Variants in H2BN1 observed in about 807,000 individuals in gnomAD.
The protein encoded by H2BN1 is H2B.N variant histone 1, also known as histone H2B.N.
chr17:32,900,307 T>G, the H2BN1 span, among the ~76,000 whole-genome samples: 1 of 152,244 alleles, frequency 6.6e-6, no homozygotes, highest in Non-Finnish European at 1.5e-5. Flanking sequence ...CTAGGACTTT[T>G]GGGAAACCCA....
the H2BN1 span, among the ~76,000 whole-genome samples, chr17:32,903,079 T>C: frequency 6.6e-6 from 1 of 152,026 alleles, no homozygotes; most frequent in African/African-American, 2.4e-5. Context: ...TTACATAAAC[T>C]TGAAAGAGCA....
At chr17:32,901,130 C>A in the H2BN1 span, among the ~76,000 whole-genome samples, 2 of 152,042 alleles carry the variant, frequency 1.3e-5, no homozygotes, top group African/African-American at 4.8e-5. Context: ...ATTGCTTGAA[C>A]CAGGAGGCAG....
the H2BN1 span, among the ~76,000 whole-genome samples, chr17:32,902,458 G>T: frequency 2.2e-4 from 33 of 152,122 alleles, no homozygotes; most frequent in Non-Finnish European, 4.4e-4. Flanking sequence ...AGACTAGACC[G>T]TCTAAAGTCA....
chr17:32,900,639 T>G, the H2BN1 span, among the ~76,000 whole-genome samples: 2 of 151,904 alleles, frequency 1.3e-5, no homozygotes, highest in Non-Finnish European at 2.9e-5. Flanking sequence ...TGGAGTGCAG[T>G]GGTGTGATCT....
the H2BN1 span, among the ~76,000 whole-genome samples, chr17:32,904,712 G>A: frequency 4.6e-5 from 7 of 152,094 alleles, no homozygotes; most frequent in South Asian, 2.1e-4. Context: ...TACTGTAGAT[G>A]GCAAAGGGGC....
chr17:32,897,503 T>A, the H2BN1 span, among the ~76,000 whole-genome samples: 1 of 152,154 alleles, frequency 6.6e-6, no homozygotes, highest in Admixed American at 6.5e-5. Flanking sequence ...GAACAGCTTA[T>A]TTTTACTACT....
At chr17:32,901,188 T>C in the H2BN1 span, among the ~76,000 whole-genome samples, 3 of 152,074 alleles carry the variant, frequency 2.0e-5, no homozygotes, top group Non-Finnish European at 4.4e-5. Context: ...GCCTGGGTGA[T>C]AGAGTGAGAC....
the H2BN1 span, among the ~76,000 whole-genome samples, chr17:32,900,045 C>T: frequency 6.6e-6 from 1 of 152,152 alleles, no homozygotes; most frequent in African/African-American, 2.4e-5. Flanking sequence ...CTGTGGATGA[C>T]AAAGTTTTAG....
chr17:32,895,442 AT>A, the H2BN1 span, among the ~76,000 whole-genome samples: 1 of 152,114 alleles, frequency 6.6e-6, no homozygotes, highest in South Asian at 2.1e-4. Flanking sequence ...CATGTATTTC[AT>A]TTGCTTAAAT....
At chr17:32,905,490 C>T in the H2BN1 span, among the ~76,000 whole-genome samples, 1 of 151,872 alleles carries the variant, frequency 6.6e-6, no homozygotes, top group Non-Finnish European at 1.5e-5. Context: ...TGAGACAGGT[C>T]TCAGTTAATT....
the H2BN1 span, among the ~76,000 whole-genome samples, chr17:32,905,244 C>A: frequency 6.6e-6 from 1 of 152,114 alleles, no homozygotes; most frequent in African/African-American, 2.4e-5. Context: ...AACAAACAAA[C>A]AAAACAAAAG....
the H2BN1 span, among the ~76,000 whole-genome samples, chr17:32,906,007 C>T: frequency 6.6e-6 from 1 of 152,282 alleles, no homozygotes; most frequent in Middle Eastern, 3.4e-3. Context: ...AAATGCCTGT[C>T]GTTGCCCCTT....
chr17:32,900,096 ACTTCTGTGG>A, the H2BN1 span, among the ~76,000 whole-genome samples: 1 of 152,226 alleles, frequency 6.6e-6, no homozygotes, highest in African/African-American at 2.4e-5. Flanking sequence ...GAAATTTGTT[ACTTCTGTGG>A]CACACAATAA....
At chr17:32,905,590 GAC>G in the H2BN1 span, 2 of 152,108 alleles carry the variant, frequency 1.3e-5, no homozygotes, top group African/African-American at 2.4e-5. Context: ...ATGTGTCCAT[GAC>G]ACAGTCTCAG....
the H2BN1 span, among the ~76,000 whole-genome samples, chr17:32,905,217 G>C: frequency 6.6e-6 from 1 of 152,170 alleles, no homozygotes; most frequent in Admixed American, 6.5e-5. Context: ...TCCTTGTTGG[G>C]AGCAAGTAAA....
At chr17:32,900,109 A>G in the H2BN1 span, among the ~76,000 whole-genome samples, 1 of 152,248 alleles carries the variant, frequency 6.6e-6, no homozygotes, top group Non-Finnish European at 1.5e-5. Flanking sequence ...TCTGTGGCAC[A>G]CAATAATTTA....
the H2BN1 span, chr17:32,905,764 G>C: frequency 3.9e-5 from 6 of 152,026 alleles, no homozygotes; most frequent in Non-Finnish European, 1.5e-5. Context: ...GCGCGGAGGG[G>C]GCTTCCAGAT....
At chr17:32,903,847 T>C in the H2BN1 span, among the ~76,000 whole-genome samples, 1 of 152,206 alleles carries the variant, frequency 6.6e-6, no homozygotes. Flanking sequence ...CATTAGATTA[T>C]GTCTCACTTT....
chr17:32,902,411 A>T, the H2BN1 span, among the ~76,000 whole-genome samples: 1 of 152,236 alleles, frequency 6.6e-6, no homozygotes, highest in Non-Finnish European at 1.5e-5. Flanking sequence ...AACAAAGATG[A>T]TAACAAACCC....
Sources: allele counts gnomAD v4.1 joint callset (sites outside exome capture counted in the v4.1 genomes callset), GRCh38; gene constraint gnomAD v4.1.1; transcripts MANE v1.5; gene names NCBI Gene and HGNC (gene_info 2026-07-23, HGNC 2026-07-21).